The following RBFOX1 variants were observed in gnomAD, a reference collection of about 807,000 sequenced individuals.
RBFOX1 encodes the protein RNA binding protein fox-1 homolog 1.
Under a neutral mutation model 57.7 loss-of-function variants are expected in RBFOX1, and 8 were observed. The observed-to-expected ratio is 0.14, with a 90% CI of 0.08 to 0.25. The LOEUF (loss-of-function observed/expected upper bound fraction) is 0.25, where lower values mean the gene tolerates loss of function less well. Ranked by LOEUF, RBFOX1 falls within the 10% of genes least tolerant of loss-of-function variation. The pLI is 1.00. For synonymous variants in RBFOX1, 326 were observed against 222.4 expected, an observed-to-expected ratio of 1.47 and a Z score of -4.15; for missense variants, 611 against 548.5, an observed-to-expected ratio of 1.11 and a Z score of -1.14.
At chr16:6,027,148 C>T (rs1247575359) in intron 1 of RBFOX1, among the ~76,000 whole-genome samples, 2 of 152,124 alleles carry the variant, frequency 1.3e-5, no homozygotes, top group Non-Finnish European at 2.9e-5. Context: ...TCAAAATTGT[C>T]TTCTTTGTAC....
chr16:5,504,661 T>G (rs569229483), intron 2 of RBFOX1, among the ~76,000 whole-genome samples: 62 of 152,322 alleles, frequency 4.1e-4, no homozygotes, highest in African/African-American at 1.5e-3. Context: ...CTGTCTACCA[T>G]TTGCTGAGCA....
chr16:5,920,120 G>C (rs1451007079), intron 4 of RBFOX1, among the ~76,000 whole-genome samples: 1 of 152,062 alleles, frequency 6.6e-6, no homozygotes, highest in Non-Finnish European at 1.5e-5. Context: ...TTTTTTGGTA[G>C]AGACGGGATT....
intron 3 of RBFOX1, among the ~76,000 whole-genome samples, chr16:6,967,459 G>T (rs1430130540): frequency 1.3e-5 from 2 of 152,162 alleles, no homozygotes; most frequent in Non-Finnish European, 2.9e-5. Context: ...GGATTAGGAT[G>T]GGGGCAGTGG....
intron 4 of RBFOX1, among the ~76,000 whole-genome samples, chr16:7,257,247 G>T (rs944589554): frequency 2.0e-5 from 3 of 152,138 alleles, no homozygotes; most frequent in Non-Finnish European, 2.9e-5. Context: ...CCAGCTGAGA[G>T]TGCGATCCCT....
chr16:7,163,533 G>C lies in RBFOX1; in HGVS notation c.27+111435G>C, dbSNP rs192553661. Among the ~76,000 whole-genome samples, 160 of 152,010 alleles carry C rather than the reference G, an allele frequency of 1.1e-3. 1 individual carries two copies. The highest frequency in any genetic ancestry group is 3.6e-3 in the African/African-American group (148 of 41,418). On this transcript the variant is annotated intron_variant, in intron 4 of 15. Coordinates refer to ENST00000550418, the MANE Select transcript of RBFOX1 (RefSeq NM_018723.4). ...CCCGTTAGCACTCCCTTTAACATCA[G>C]TCTCTCTCCCTCTTCTTCCACCTAG...
intron 1 of RBFOX1, among the ~76,000 whole-genome samples, chr16:6,197,553 C>T (rs1005384757): frequency 7.4e-6 from 1 of 135,158 alleles, no homozygotes; most frequent in Non-Finnish European, 1.7e-5. Context: ...CAACCTGGTG[C>T]TTCTGTTTCC....
chr16:7,177,659 A>AG (rs2081947941), intron 4 of RBFOX1, among the ~76,000 whole-genome samples: 1 of 152,106 alleles, frequency 6.6e-6, no homozygotes. Context: ...TTGAACCAGG[A>AG]GGTAGGGCAC....
At chr16:5,531,068 T>C (rs1187186742) in intron 2 of RBFOX1, among the ~76,000 whole-genome samples, 1 of 151,000 alleles carries the variant, frequency 6.6e-6, no homozygotes, top group African/African-American at 2.4e-5. Context: ...GAGCTTGCAG[T>C]AAGCCGAGAT....
At chr16:5,768,068 A>C (rs1484975097) in intron 3 of RBFOX1, among the ~76,000 whole-genome samples, 2 of 152,216 alleles carry the variant, frequency 1.3e-5, no homozygotes, top group Non-Finnish European at 2.9e-5. Flanking sequence ...TCTATTTCCA[A>C]GAGTAGACTG....
chr16:5,281,562 C>G (rs2063272352), intron 1 of RBFOX1, among the ~76,000 whole-genome samples: 1 of 152,192 alleles, frequency 6.6e-6, no homozygotes, highest in Admixed American at 6.5e-5. Flanking sequence ...GTCTCTATCT[C>G]TCCGTCTAGA....
intron 2 of RBFOX1, among the ~76,000 whole-genome samples, chr16:6,598,148 A>G (rs960684363): frequency 2.6e-5 from 4 of 152,252 alleles, no homozygotes; most frequent in African/African-American, 9.6e-5. Flanking sequence ...GTGTCTTCAC[A>G]CACACATCTG....
intron 3 of RBFOX1, among the ~76,000 whole-genome samples, chr16:7,014,931 G>A (rs1282809093): frequency 6.6e-6 from 1 of 152,010 alleles, no homozygotes; most frequent in African/African-American, 2.4e-5. Context: ...TGAACATATT[G>A]GCCAGGCTGG....
chr16:5,931,214 C>T (rs1342690431), intron 4 of RBFOX1, among the ~76,000 whole-genome samples: 2 of 152,130 alleles, frequency 1.3e-5, no homozygotes, highest in Admixed American at 6.5e-5. Flanking sequence ...TCCTATTGCT[C>T]ATGGCCTCAG....
intron 2 of RBFOX1, among the ~76,000 whole-genome samples, chr16:6,405,573 A>C (rs1184821580): frequency 6.6e-6 from 1 of 152,216 alleles, no homozygotes; most frequent in Non-Finnish European, 1.5e-5. Context: ...GGTCAGAACT[A>C]GTGAAATGGC....
At chr16:5,664,092 C>G (rs1035604191) in intron 3 of RBFOX1, among the ~76,000 whole-genome samples, 2 of 152,240 alleles carry the variant, frequency 1.3e-5, no homozygotes, top group African/African-American at 4.8e-5. Flanking sequence ...CGGCAGCTGC[C>G]TCTAGGCGTG....
chr16:7,361,104 C>G (rs1387947356), intron 4 of RBFOX1, among the ~76,000 whole-genome samples: 2 of 152,122 alleles, frequency 1.3e-5, no homozygotes, highest in African/African-American at 4.8e-5. Flanking sequence ...TTGAAGACCA[C>G]AAGCCCAGGG....
At chr16:5,341,272 A>T (rs1214415941) in intron 1 of RBFOX1, among the ~76,000 whole-genome samples, 1 of 151,402 alleles carries the variant, frequency 6.6e-6, no homozygotes, top group East Asian at 1.9e-4. Context: ...CCATTGGAAA[A>T]TTTTGGGATA....
intron 3 of RBFOX1, among the ~76,000 whole-genome samples, chr16:6,830,864 A>G (rs1228821615): frequency 1.3e-5 from 2 of 152,156 alleles, no homozygotes; most frequent in Non-Finnish European, 1.5e-5. Flanking sequence ...ATTATTCAAG[A>G]TAGTAACTCT....
Position 6,127,273 on chromosome 16 carries a change from C to G in RBFOX1, c.-127+107281C>G, listed in dbSNP as rs192706075. Among the ~76,000 whole-genome samples the G allele has an allele frequency of 1.5e-4, 21 of 143,798 alleles. No homozygotes were observed. The East Asian group carries it at 2.8e-3, about 19-fold the overall frequency. 94.3% of individuals were successfully genotyped at this position (143,798 alleles called of 152,430 possible). A position where few individuals can be genotyped will look rare whatever the true frequency, so the allele number is the denominator to read the frequency against. On this transcript the variant is annotated intron_variant, in intron 1 of 15. Coordinates refer to ENST00000550418, the MANE Select transcript of RBFOX1 (RefSeq NM_018723.4). The stretch of plus-strand genomic sequence containing the variant: ...TTCCATATCTCAGATTATTTTGTCT[C>G]TCTCTTTTTTTAAAAAAAAAAAAAA...
Sources: allele counts gnomAD v4.1 joint callset (sites outside exome capture counted in the v4.1 genomes callset), GRCh38; gene constraint gnomAD v4.1.1; transcripts MANE v1.5; gene names NCBI Gene and HGNC (gene_info 2026-07-23, HGNC 2026-07-21).